SCART1: variants seen among roughly 807,000 people sequenced by gnomAD.
SCART1 encodes scavenger receptor family member expressed on T cells 1.
SCART1 carries 62 observed loss-of-function variants against 36.2 expected under a neutral mutation model. The observed-to-expected ratio is 1.71, with a 90% CI of 1.40 to 2.12. SCART1 has a LOEUF of 2.12. Among genes scored for constraint, SCART1 ranks in the 30% most tolerant of loss-of-function variants. SCART1 has a pLI of 0.00. For missense variants in SCART1, 1,041 were observed against 540.5 expected (o/e 1.93, Z -9.18); for synonymous variants, 487 against 238.7 (o/e 2.04, Z -9.59).
At position 133,465,004 on chromosome 10, in the gene SCART1, C is replaced by T. The variant is rs141753955; in HGVS notation, c.2275+93C>T. Reference sequence around the variant, plus strand: ...CTGACAGGTCACTTACAGGGGATGCCATTCAATCAGAGCCTGGGCCTGGGG... The same window carrying T: ...CTGACAGGTCACTTACAGGGGATGCTATTCAATCAGAGCCTGGGCCTGGGG... On this transcript the variant is annotated intron_variant, in intron 7 of 11. Coordinates refer to ENST00000640237, the Ensembl canonical transcript of SCART1. 1,522 of 700,038 alleles carry T rather than the reference C, an allele frequency of 2.2e-3. 22 individuals are homozygous for T. The African/African-American group carries it at 0.023, about 11-fold the overall frequency. The allele number at this position is 700,038 out of a possible 1,614,324, so 43.4% of individuals were successfully genotyped here. A position where few individuals can be genotyped will look rare whatever the true frequency, so the allele number is the denominator to read the frequency against.
At chr10:133,461,356 G>A (rs1414919022) in intron 6 of SCART1, among the ~76,000 whole-genome samples, 3 of 152,138 alleles carry the variant, frequency 2.0e-5, no homozygotes, top group Non-Finnish European at 4.4e-5. Flanking sequence ...GCTGGATGCT[G>A]GCAGAGTCTC....
chr10:133,464,295 C>CTGCAGTGAACCTGGGCG (rs147032104), intron 6 of SCART1: 8 of 319,822 alleles, frequency 2.5e-5, no homozygotes, highest in African/African-American at 8.9e-5. Flanking sequence ...AACCTGGGTG[C>CTGCAGTGAACCTGGGCG]TGCAGTGAAC....
chr10:133,460,496 A>ATATATATATATATTTTTTTTT, intron 6 of SCART1, among the ~76,000 whole-genome samples: 1 of 136,014 alleles, frequency 7.4e-6, no homozygotes, highest in South Asian at 2.7e-4. Flanking sequence ...ATATTTATAT[A>ATATATATATATATTTTTTTTT]TTTTAAAAAA....
chr10:133,456,357 CT>C lies in SCART1; in HGVS notation c.189del (p.Val64SerfsTer75), dbSNP rs1220322614. On this transcript the variant is annotated frameshift_variant, in exon 2 of 12. Coordinates refer to ENST00000640237, the Ensembl canonical transcript of SCART1. LOFTEE classifies it high-confidence loss of function. ...CAGGAGTGGACGCTGGCAGAGGCCT[CT>C]GTCGTGTGCAGGCAGCTGGGCTGCG... is the stretch of plus-strand genomic sequence containing the variant. 1.4e-6 allele frequency: 1 copy of C among 702,830 alleles called. No homozygotes were observed. The highest frequency in any genetic ancestry group is 2.6e-6 in the Non-Finnish European group (1 of 384,970). 43.5% of individuals were successfully genotyped at this position (702,830 alleles called of 1,614,324 possible).
At position 133,454,219 on chromosome 10, in the gene SCART1, G is replaced by T. The variant is rs143085107; in HGVS notation, c.67+155G>T. ...TGGGACATGCTGGGGCAGGAGGGAGGTGACTCCACATGGCTGGATCCCTGT... is the reference window on the plus strand; with the variant it reads ...TGGGACATGCTGGGGCAGGAGGGAGTTGACTCCACATGGCTGGATCCCTGT... On this transcript the variant is annotated intron_variant, in intron 1 of 11. Transcript: ENST00000640237. Among the ~76,000 whole-genome samples, 738 of 152,302 alleles carry T rather than the reference G, an allele frequency of 4.8e-3. 8 individuals carry two copies. The highest frequency in any genetic ancestry group is 0.02 in the Middle Eastern group (6 of 294).
intron 6 of SCART1, among the ~76,000 whole-genome samples, chr10:133,463,993 C>T (rs1168559158): frequency 1.3e-5 from 2 of 152,146 alleles, no homozygotes; most frequent in African/African-American, 4.8e-5. Flanking sequence ...TTCCCAACCT[C>T]TAGTATCCTC....
exon 10 of SCART1, chr10:133,466,297 G>A (rs200073388): frequency 1.8e-4 from 128 of 702,920 alleles, no homozygotes; most frequent in East Asian, 6.4e-4. Context: ...GGTCAGTGTC[G>A]TCCTGGGATC....
chr10:133,460,957 AACTCCTGG>A (rs1209113163), intron 6 of SCART1, among the ~76,000 whole-genome samples: 2 of 151,868 alleles, frequency 1.3e-5, no homozygotes, highest in Non-Finnish European at 2.9e-5. Flanking sequence ...GCCGGTCTCA[AACTCCTGG>A]ACTCAAGCGA....
chr10:133,460,065 G>T lies in SCART1; in HGVS notation c.1864G>T (p.Glu622Ter). ...CGGGGCAGGGCGCATCTGGCTGGAC[G>T]AGCTGGGCTGCCAGGGCCACGAGTC... The change falls in exon 6 of 12, where the codon GAG becomes TAG. Residue 622 changes from glutamate (E) to a stop codon, truncating the protein, a stop_gained. Coordinates refer to ENST00000640237, the Ensembl canonical transcript of SCART1. LOFTEE classifies it high-confidence loss of function. 1 of 511,452 alleles carries T rather than the reference G, an allele frequency of 2.0e-6. No homozygotes were observed. Among genetic ancestry groups the T allele is most frequent in the Non-Finnish European group, 3.4e-6 (1 of 291,276 alleles). 31.7% of individuals were successfully genotyped at this position (511,452 alleles called of 1,614,324 possible).
At chr10:133,466,296 C>T (rs770535927) in exon 10 of SCART1, 112 of 703,086 alleles carry the variant, frequency 1.6e-4, no homozygotes, top group Non-Finnish European at 2.3e-4. Flanking sequence ...TGGTCAGTGT[C>T]GTCCTGGGAT....
exon 6 of SCART1, chr10:133,459,604 C>A: frequency 1.5e-6 from 1 of 673,348 alleles, no homozygotes; most frequent in Non-Finnish European, 2.7e-6. Flanking sequence ...CTGCGCGGCG[C>A]GGGCGTGGTG....
At chr10:133,459,876 A>T (rs1447168191) in exon 6 of SCART1, 9 of 550,186 alleles carry the variant, frequency 1.6e-5, no homozygotes, top group Non-Finnish European at 2.9e-5. Flanking sequence ...GTCTCTCCAC[A>T]GGGAGCCTCA....
At chr10:133,460,524 A>AT (rs1589935209) in intron 6 of SCART1, among the ~76,000 whole-genome samples, 1 of 32,688 alleles carries the variant, frequency 3.1e-5, no homozygotes, top group African/African-American at 1.2e-4. Flanking sequence ...TATTTATTTA[A>AT]ATATTTATTT....
chr10:133,454,298 C>T (rs1850582512), intron 1 of SCART1, among the ~76,000 whole-genome samples: 1 of 152,176 alleles, frequency 6.6e-6, no homozygotes, highest in South Asian at 2.1e-4. Context: ...GGGTTCAGGG[C>T]TGGGTCAGGC....
chr10:133,460,685 G>A (rs1223684817), intron 6 of SCART1, among the ~76,000 whole-genome samples: 1 of 151,690 alleles, frequency 6.6e-6, no homozygotes, highest in African/African-American at 2.4e-5. Context: ...ACAGAAGTGA[G>A]GCACTGCCGC....
At chr10:133,458,508 G>A (rs1025767459) in exon 4 of SCART1, 4 of 675,554 alleles carry the variant, frequency 5.9e-6, no homozygotes, top group African/African-American at 1.8e-5. Context: ...TCGTGTCCAC[G>A]CCCGAGGGCG....
intron 9 of SCART1, 99 bp downstream of exon 9, chr10:133,465,664 C>T: frequency 1.7e-6 from 1 of 598,886 alleles, no homozygotes; most frequent in Non-Finnish European, 3.0e-6. Flanking sequence ...AGAGCTCGCC[C>T]AGGTGTTAGT....
At chr10:133,468,359 C>T (rs1850786157) in exon 12 of SCART1, 2 of 161,844 alleles carry the variant, frequency 1.2e-5, no homozygotes. Context: ...TTCTTAAAAA[C>T]TCTTCTTAAT....
intron 6 of SCART1, among the ~76,000 whole-genome samples, chr10:133,463,272 C>T (rs916843789): frequency 1.3e-5 from 2 of 152,118 alleles, no homozygotes; most frequent in African/African-American, 2.4e-5. Context: ...AGCTAATGAA[C>T]ATTCCACCAT....
Sources: gnomAD v4.1 joint callset for allele counts (sites outside exome capture counted in the v4.1 genomes callset) on GRCh38, gnomAD v4.1.1 for gene constraint, MANE v1.5 for transcripts, NCBI Gene and HGNC (gene_info 2026-07-23, HGNC 2026-07-21) for gene names.